Variants in EFR3A observed in about 807,000 individuals in gnomAD.
EFR3A encodes EFR3 homolog A.
EFR3A carries 76 observed loss-of-function variants against 104.4 expected under a neutral mutation model. The ratio of observed to expected loss-of-function variants is 0.73; its 90% CI spans 0.60 to 0.88. The LOEUF is 0.88. Ranked by LOEUF, EFR3A falls within the 40% of genes least tolerant of loss-of-function variation. EFR3A has a pLI of 0.00. For missense variants in EFR3A, 985 were observed against 1,012.5 expected (o/e 0.97, Z 0.37); for synonymous variants, 330 against 330.0 (o/e 1.00, Z 0.00).
At chr8:131,909,815 A>T (rs1483407272) in intron 1 of EFR3A, among the ~76,000 whole-genome samples, 1 of 152,154 alleles carries the variant, frequency 6.6e-6, no homozygotes, top group African/African-American at 2.4e-5. Context: ...CTGTCAACCA[A>T]AAGTGTCTCT....
intron 8 of EFR3A, among the ~76,000 whole-genome samples, chr8:131,960,518 C>T (rs1005424618): frequency 3.9e-5 from 6 of 152,034 alleles, no homozygotes; most frequent in Non-Finnish European, 8.8e-5. Flanking sequence ...TATAATATTT[C>T]TGGAAATGGT....
Position 132,011,071 on chromosome 8 carries a change from G to C in EFR3A, c.*176G>C, listed in dbSNP as rs190463522. On this transcript the variant is annotated 3_prime_UTR_variant, in exon 23 of 23. Coordinates refer to ENST00000254624, the MANE Select transcript of EFR3A (RefSeq NM_015137.6). ...AAGTTTTGGAGCTATATATAATTTC[G>C]AGTACTTTCAAAGATAGATTTATGC... The C allele has an allele frequency of 8.0e-7, 1 of 1,257,472 alleles. No individual in the cohort carries two copies. Among genetic ancestry groups the C allele is most frequent in the African/African-American group, 1.5e-5 (1 of 66,678 alleles). 77.9% of individuals were successfully genotyped at this position (1,257,472 alleles called of 1,614,324 possible).
intron 1 of EFR3A, among the ~76,000 whole-genome samples, chr8:131,907,627 A>G (rs1816315372): frequency 6.6e-6 from 1 of 152,136 alleles, no homozygotes. Flanking sequence ...ATTTTTATGA[A>G]AGAAATGCAG....
At chr8:132,008,846 CAAAA>C (rs55964352) in intron 22 of EFR3A, among the ~76,000 whole-genome samples, 5 of 32,164 alleles carry the variant, frequency 1.6e-4, no homozygotes, top group Admixed American at 4.6e-4. Context: ...AACTCCATCT[CAAAA>C]AAAAAAAAAA....
chr8:131,944,124 T>C (rs1818306054), intron 2 of EFR3A, among the ~76,000 whole-genome samples: 1 of 152,104 alleles, frequency 6.6e-6, no homozygotes, highest in Non-Finnish European at 1.5e-5. Context: ...GGGTTATATA[T>C]GGCCAAGAAA....
intron 22 of EFR3A, among the ~76,000 whole-genome samples, chr8:132,008,846 C>CAAAAAAAAAAAAAAAAAAA (rs55964352): frequency 3.1e-5 from 1 of 32,166 alleles, no homozygotes; most frequent in Non-Finnish European, 5.9e-5. Flanking sequence ...AACTCCATCT[C>CAAAAAAAAAAAAAAAAAAA]AAAAAAAAAA....
intron 11 of EFR3A, 130 bp downstream of exon 11, chr8:131,976,271 G>C (rs1216468574): frequency 7.7e-6 from 5 of 653,540 alleles, no homozygotes; most frequent in Non-Finnish European, 1.3e-5. Context: ...AAAGCAGTTA[G>C]TATTATTATG....
At chr8:131,905,219 C>G (rs1332940057) in intron 1 of EFR3A, among the ~76,000 whole-genome samples, 1 of 152,176 alleles carries the variant, frequency 6.6e-6, no homozygotes, top group Non-Finnish European at 1.5e-5. Flanking sequence ...ACTCCTTTGA[C>G]TAAGTGTTCA....
intron 1 of EFR3A, among the ~76,000 whole-genome samples, chr8:131,909,802 C>A (rs1816425428): frequency 6.6e-6 from 1 of 152,194 alleles, no homozygotes; most frequent in Admixed American, 6.5e-5. Flanking sequence ...CTGCCCCAAG[C>A]TTCTGTCAAC....
intron 22 of EFR3A, among the ~76,000 whole-genome samples, chr8:132,004,976 G>T (rs1199924186): frequency 6.6e-6 from 1 of 151,990 alleles, no homozygotes; most frequent in African/African-American, 2.4e-5. Context: ...CTGTTTCATT[G>T]GTACCACAAC....
chr8:131,932,353 C>T (rs1001963516), intron 1 of EFR3A, among the ~76,000 whole-genome samples: 2 of 152,020 alleles, frequency 1.3e-5, no homozygotes, highest in African/African-American at 4.8e-5. Context: ...GGGCCATTAG[C>T]TTATGTTCAA....
At chr8:131,931,759 T>A (rs1391573328) in intron 1 of EFR3A, among the ~76,000 whole-genome samples, 2 of 152,142 alleles carry the variant, frequency 1.3e-5, no homozygotes, top group Non-Finnish European at 2.9e-5. Context: ...AGCTAACATC[T>A]TAGGGTTTTT....
At chr8:131,982,496 G>GT (rs1820666012) in intron 14 of EFR3A, among the ~76,000 whole-genome samples, 1 of 151,988 alleles carries the variant, frequency 6.6e-6, no homozygotes, top group Non-Finnish European at 1.5e-5. Context: ...TCCAAGGCCT[G>GT]TAAGAGAGGA....
chr8:132,003,097 A>G (rs2130807217), intron 21 of EFR3A, 139 bp from the exon 22 acceptor site: 1 of 679,026 alleles, frequency 1.5e-6, no homozygotes, highest in Admixed American at 3.3e-5. Flanking sequence ...GATCAAACCA[A>G]AACTTTAAAG....
At chr8:131,954,124 A>C (rs1490514829) in intron 6 of EFR3A, among the ~76,000 whole-genome samples, 157 bp downstream of exon 6, 3 of 151,950 alleles carry the variant, frequency 2.0e-5, no homozygotes, top group African/African-American at 7.2e-5. Flanking sequence ...AAAAATTTTT[A>C]CTCTGTAGTG....
intron 1 of EFR3A, among the ~76,000 whole-genome samples, chr8:131,912,735 A>C (rs1000598350): frequency 1.3e-5 from 2 of 152,140 alleles, no homozygotes; most frequent in Non-Finnish European, 2.9e-5. Context: ...ATTTTATAAA[A>C]ATTTTTATAA....
At chr8:131,995,314 AATC>A (rs1821418766) in intron 18 of EFR3A, among the ~76,000 whole-genome samples, 1 of 152,116 alleles carries the variant, frequency 6.6e-6, no homozygotes, top group South Asian at 2.1e-4. Flanking sequence ...TTTCGACTGT[AATC>A]ATGATTATTT....
intron 7 of EFR3A, among the ~76,000 whole-genome samples, chr8:131,957,796 T>A (rs1163938838): frequency 3.3e-5 from 5 of 152,240 alleles, no homozygotes; most frequent in Non-Finnish European, 7.3e-5. Flanking sequence ...AAATAATAGA[T>A]GATTTAAAAG....
At chr8:132,002,447 AT>A in intron 20 of EFR3A, among the ~76,000 whole-genome samples, 155 bp from the exon 21 acceptor site, 1 of 152,196 alleles carries the variant, frequency 6.6e-6, no homozygotes, top group Admixed American at 6.5e-5. Flanking sequence ...TAAACAAGAC[AT>A]TTCATGGATG....
Sources: allele counts gnomAD v4.1 joint callset (sites outside exome capture counted in the v4.1 genomes callset), GRCh38; gene constraint gnomAD v4.1.1; transcripts MANE v1.5; gene names NCBI Gene and HGNC (gene_info 2026-07-23, HGNC 2026-07-21).